MAPK10: variants seen among roughly 807,000 people sequenced by gnomAD.
The protein encoded by MAPK10 is mitogen-activated protein kinase 10.
A neutral mutation model predicts 59.3 loss-of-function variants in MAPK10; 25 were observed. That is an observed-to-expected ratio of 0.42 (90% CI 0.31 to 0.59). The LOEUF (loss-of-function observed/expected upper bound fraction) is 0.59. Among genes scored for constraint, MAPK10 ranks in the 20% least tolerant of loss-of-function variants. MAPK10 has a pLI of 0.15. For missense variants in MAPK10, 351 were observed against 568.9 expected (o/e 0.62, Z 3.90); for synonymous variants, 190 against 200.5 (o/e 0.95, Z 0.44).
chr4:86,242,033 G>A (rs1422744739), intron 2 of MAPK10, among the ~76,000 whole-genome samples: 1 of 151,940 alleles, frequency 6.6e-6, no homozygotes, highest in African/African-American at 2.4e-5. Context: ...CTTTTTTGTT[G>A]TTGTTGGTGG....
At chr4:86,039,996 T>C (rs2041179945) in intron 11 of MAPK10, among the ~76,000 whole-genome samples, 1 of 152,136 alleles carries the variant, frequency 6.6e-6, no homozygotes, top group African/African-American at 2.4e-5. Flanking sequence ...ACAGGTTCTA[T>C]GGAAAGGCTG....
intron 2 of MAPK10, among the ~76,000 whole-genome samples, chr4:86,323,976 AT>A (rs1471554206): frequency 2.0e-5 from 3 of 152,234 alleles, no homozygotes; most frequent in African/African-American, 7.2e-5. Context: ...AAATAGTATA[AT>A]AAAACTGAAA....
intron 1 of MAPK10, among the ~76,000 whole-genome samples, chr4:86,438,471 T>C (rs544372996): frequency 8.6e-5 from 13 of 151,936 alleles, no homozygotes; most frequent in South Asian, 2.1e-4. Flanking sequence ...GGGTGGATCA[T>C]CTGAGGTCAG....
intron 2 of MAPK10, among the ~76,000 whole-genome samples, chr4:86,317,323 C>T (rs753620737): frequency 4.6e-5 from 7 of 152,116 alleles, no homozygotes; most frequent in Non-Finnish European, 8.8e-5. Context: ...TTCGTACTTT[C>T]GTTCAGGCTC....
chr4:86,525,216 G>A (rs1362237551), intron 1 of MAPK10, among the ~76,000 whole-genome samples: 6 of 152,102 alleles, frequency 3.9e-5, no homozygotes, highest in Non-Finnish European at 8.8e-5. Context: ...AGGGTGGCTG[G>A]AGCCCTGGAG....
At chr4:86,535,784 GC>G (rs1375904778) in intron 1 of MAPK10, among the ~76,000 whole-genome samples, 4 of 152,152 alleles carry the variant, frequency 2.6e-5, no homozygotes, top group Non-Finnish European at 5.9e-5. Context: ...AACAAGCTGA[GC>G]CAAAAGAATG....
chr4:86,415,064 T>C (rs1745686264), intron 1 of MAPK10, among the ~76,000 whole-genome samples: 2 of 146,174 alleles, frequency 1.4e-5, no homozygotes, highest in Non-Finnish European at 3.0e-5. Flanking sequence ...TGCTTGACCC[T>C]GGAGGTCGAG....
intron 1 of MAPK10, among the ~76,000 whole-genome samples, chr4:86,575,007 G>C (rs1232903951): frequency 6.6e-6 from 1 of 152,184 alleles, no homozygotes; most frequent in African/African-American, 2.4e-5. Context: ...ATGAGCACTT[G>C]AATCAGTGGA....
chr4:86,078,521 A>T (rs888310240), intron 9 of MAPK10, among the ~76,000 whole-genome samples: 27 of 152,046 alleles, frequency 1.8e-4, no homozygotes, highest in African/African-American at 6.0e-4. Flanking sequence ...AGTACTAATT[A>T]TAGTTCTTTG....
chr4:86,399,226 T>G (rs1743368387), intron 1 of MAPK10, among the ~76,000 whole-genome samples: 1 of 152,206 alleles, frequency 6.6e-6, no homozygotes. Context: ...CCACCTACAG[T>G]GTATAAGCAT....
intron 2 of MAPK10, among the ~76,000 whole-genome samples, chr4:86,311,819 T>TA (rs542340388): frequency 1.3e-5 from 2 of 152,112 alleles, no homozygotes; most frequent in Non-Finnish European, 2.9e-5. Context: ...GTCTGGGTGT[T>TA]AAAATCACTG....
At chr4:86,255,129 G>T (rs1387317829) in intron 2 of MAPK10, among the ~76,000 whole-genome samples, 1 of 152,046 alleles carries the variant, frequency 6.6e-6, no homozygotes, top group Non-Finnish European at 1.5e-5. Context: ...TTGGAGATGT[G>T]GTAGGATCGA....
intron 1 of MAPK10, among the ~76,000 whole-genome samples, chr4:86,509,886 AAG>A (rs1388601169): frequency 6.6e-6 from 1 of 152,188 alleles, no homozygotes; most frequent in African/African-American, 2.4e-5. Flanking sequence ...TCTAAAATTA[AAG>A]CTATAAGATC....
At chr4:86,539,255 A>G (rs1453918208) in intron 1 of MAPK10, among the ~76,000 whole-genome samples, 1 of 152,240 alleles carries the variant, frequency 6.6e-6, no homozygotes, top group Non-Finnish European at 1.5e-5. Context: ...AAAAAAAGAT[A>G]AAGAAAAAAA....
At chr4:86,088,049 TAA>T (rs1938778972) in intron 9 of MAPK10, among the ~76,000 whole-genome samples, 1 of 152,186 alleles carries the variant, frequency 6.6e-6, no homozygotes, top group African/African-American at 2.4e-5. Flanking sequence ...GATGAAGACA[TAA>T]AACTTTCATA....
intron 2 of MAPK10, among the ~76,000 whole-genome samples, chr4:86,214,856 A>G (rs147216715): frequency 2.4e-4 from 37 of 152,168 alleles, no homozygotes; most frequent in Non-Finnish European, 5.1e-4. Flanking sequence ...GCTATATGCA[A>G]ACTCAATGCA....
At chr4:86,178,210 ATAGT>A (rs541086639) in intron 3 of MAPK10, among the ~76,000 whole-genome samples, 226 of 152,106 alleles carry the variant, frequency 1.5e-3, no homozygotes, top group African/African-American at 4.7e-3. Flanking sequence ...GCATTTAATC[ATAGT>A]TTTTTTGTTC....
chr4:86,077,679 T>C (rs1404269748), intron 9 of MAPK10, among the ~76,000 whole-genome samples: 6 of 152,232 alleles, frequency 3.9e-5, no homozygotes, highest in Admixed American at 1.3e-4. Context: ...CTAGGCCTTA[T>C]ATCCAATACT....
chr4:86,575,995 A>G (rs143189835), intron 1 of MAPK10, among the ~76,000 whole-genome samples: 1 of 128,604 alleles, frequency 7.8e-6, no homozygotes, highest in African/African-American at 2.9e-5. Context: ...TTGTGTGTGT[A>G]TGCGTGTGTG....
Sources: gnomAD v4.1 joint callset for allele counts (sites outside exome capture counted in the v4.1 genomes callset) on GRCh38, gnomAD v4.1.1 for gene constraint, MANE v1.5 for transcripts, NCBI Gene and HGNC (gene_info 2026-07-23, HGNC 2026-07-21) for gene names.